XYLT1: variants seen among roughly 807,000 people sequenced by gnomAD.
The protein encoded by XYLT1 is beta-D-xylosyltransferase 1.
A neutral mutation model predicts 91.3 loss-of-function variants in XYLT1; 36 were observed. That is an observed-to-expected ratio of 0.39 (90% CI 0.30 to 0.52). The LOEUF is 0.52. Ranked by LOEUF, XYLT1 falls within the 20% of genes least tolerant of loss-of-function variation. The pLI is 0.68. For missense variants in XYLT1, 1,242 were observed against 1,284.5 expected, an observed-to-expected ratio of 0.97 and a Z score of 0.51; for synonymous variants, 588 against 532.0, an observed-to-expected ratio of 1.11 and a Z score of -1.45.
intron 5 of XYLT1, among the ~76,000 whole-genome samples, chr16:17,186,577 T>C (rs773807550): frequency 6.6e-6 from 1 of 151,342 alleles, no homozygotes; most frequent in African/African-American, 2.4e-5. Context: ...AGTGCTGGGA[T>C]AGGCATGAGC....
At chr16:17,421,474 T>C (rs2036250961) in intron 1 of XYLT1, among the ~76,000 whole-genome samples, 1 of 152,184 alleles carries the variant, frequency 6.6e-6, no homozygotes, top group South Asian at 2.1e-4. Context: ...CTGTGCCAGT[T>C]TTAAGTGTAG....
intron 6 of XYLT1, among the ~76,000 whole-genome samples, chr16:17,151,407 G>A (rs907958110): frequency 3.3e-5 from 5 of 152,144 alleles, no homozygotes; most frequent in Non-Finnish European, 7.4e-5. Context: ...GATGGAGCGA[G>A]ACTCTGTCTC....
chr16:17,397,881 G>T (rs2035909734), intron 1 of XYLT1, among the ~76,000 whole-genome samples: 1 of 148,232 alleles, frequency 6.7e-6, no homozygotes, highest in Admixed American at 6.8e-5. Flanking sequence ...GGAGTGCAGT[G>T]GTGCGATCTC....
intron 2 of XYLT1, among the ~76,000 whole-genome samples, chr16:17,304,383 C>T (rs1179635969): frequency 2.6e-5 from 4 of 152,164 alleles, no homozygotes; most frequent in Admixed American, 6.5e-5. Flanking sequence ...TCCTTCCTCC[C>T]CAAAGCTGTT....
chr16:17,185,667 C>T (rs1394971920), intron 5 of XYLT1, among the ~76,000 whole-genome samples: 2 of 152,220 alleles, frequency 1.3e-5, no homozygotes, highest in East Asian at 1.9e-4. Flanking sequence ...TCAATTCTCA[C>T]TAGTACAATC....
chr16:17,338,784 C>A (rs2035025748), intron 2 of XYLT1, among the ~76,000 whole-genome samples: 1 of 152,102 alleles, frequency 6.6e-6, no homozygotes, highest in Non-Finnish European at 1.5e-5. Flanking sequence ...GGGCTTTCAC[C>A]ATATTGGTCA....
intron 8 of XYLT1, among the ~76,000 whole-genome samples, chr16:17,136,249 T>G (rs1308975754): frequency 6.6e-6 from 1 of 152,178 alleles, no homozygotes; most frequent in African/African-American, 2.4e-5. Context: ...CTCACACCAT[T>G]GTAAGATTTG....
chr16:17,371,674 A>C (rs965024081), intron 1 of XYLT1, among the ~76,000 whole-genome samples: 2 of 152,246 alleles, frequency 1.3e-5, no homozygotes, highest in African/African-American at 4.8e-5. Flanking sequence ...AAAACTCCAC[A>C]GAAGGAAGGA....
intron 1 of XYLT1, among the ~76,000 whole-genome samples, chr16:17,459,457 T>C (rs182205978): frequency 1.3e-5 from 2 of 152,322 alleles, no homozygotes; most frequent in East Asian, 1.9e-4. Flanking sequence ...TTACAGAATA[T>C]CTGCCCTTGT....
chr16:17,122,041 T>C (rs2030079058), intron 10 of XYLT1, among the ~76,000 whole-genome samples: 1 of 152,102 alleles, frequency 6.6e-6, no homozygotes, highest in African/African-American at 2.4e-5. Context: ...TTTTTTGCAA[T>C]TGTGAATTGT....
intron 2 of XYLT1, among the ~76,000 whole-genome samples, chr16:17,291,557 C>G (rs936615929): frequency 1.3e-5 from 2 of 152,180 alleles, no homozygotes; most frequent in African/African-American, 2.4e-5. Flanking sequence ...TTTTCCCAGC[C>G]TCTGTCTGTT....
intron 2 of XYLT1, among the ~76,000 whole-genome samples, chr16:17,353,291 G>T (rs574510569): frequency 1.4e-3 from 220 of 152,202 alleles, no homozygotes; most frequent in Admixed American, 2.7e-3. Context: ...ATCTCCCAAC[G>T]TATCTCAGTG....
chr16:17,161,465 C>G (rs2031550408), intron 5 of XYLT1, among the ~76,000 whole-genome samples: 1 of 152,124 alleles, frequency 6.6e-6, no homozygotes, highest in African/African-American at 2.4e-5. Flanking sequence ...TCGGGCCCCT[C>G]GCTCTCCCTC....
At chr16:17,400,649 A>G (rs561531512) in intron 1 of XYLT1, among the ~76,000 whole-genome samples, 201 of 141,372 alleles carry the variant, frequency 1.4e-3, no homozygotes, top group African/African-American at 5.3e-3. Context: ...GGAAGGAAGG[A>G]AGGAAGGAAG....
intron 2 of XYLT1, among the ~76,000 whole-genome samples, chr16:17,343,803 G>A (rs868420101): frequency 6.6e-6 from 1 of 152,160 alleles, no homozygotes; most frequent in Non-Finnish European, 1.5e-5. Context: ...GGAATCAAGA[G>A]AGCGTTCTTC....
intron 5 of XYLT1, among the ~76,000 whole-genome samples, chr16:17,188,551 T>C (rs1223893765): frequency 6.6e-6 from 1 of 152,200 alleles, no homozygotes; most frequent in Non-Finnish European, 1.5e-5. Flanking sequence ...ACATCTCAGT[T>C]CACAGGCTGC....
chr16:17,404,739 C>T (rs2036009317), intron 1 of XYLT1, among the ~76,000 whole-genome samples: 1 of 84,728 alleles, frequency 1.2e-5, no homozygotes. Flanking sequence ...AGTTCAAGAC[C>T]AGTTTGGGCA....
At chr16:17,414,416 G>A (rs566358530) in intron 1 of XYLT1, among the ~76,000 whole-genome samples, 207 of 152,060 alleles carry the variant, frequency 1.4e-3, no homozygotes, top group African/African-American at 4.8e-3. Context: ...CTACAGTCTC[G>A]ACCTCCTGGG....
At chr16:17,132,840 T>C (rs1471427873) in intron 9 of XYLT1, among the ~76,000 whole-genome samples, 1 of 151,988 alleles carries the variant, frequency 6.6e-6, no homozygotes, top group Non-Finnish European at 1.5e-5. Context: ...GAGGTGGAGG[T>C]TGCAGAGATC....
Sources: allele counts gnomAD v4.1 joint callset (sites outside exome capture counted in the v4.1 genomes callset), GRCh38; gene constraint gnomAD v4.1.1; transcripts MANE v1.5; gene names NCBI Gene and HGNC (gene_info 2026-07-23, HGNC 2026-07-21).